Variants in THRB observed in about 807,000 individuals in gnomAD.
THRB encodes nuclear receptor subfamily 1 group A member 2.
Under a neutral mutation model 47.8 loss-of-function variants are expected in THRB, and 12 were observed. The ratio of observed to expected loss-of-function variants is 0.25; its 90% confidence interval spans 0.16 to 0.41. The LOEUF (loss-of-function observed/expected upper bound fraction) is 0.41, where lower values mean the gene tolerates loss of function less well. Among genes scored for constraint, THRB ranks in the 10% least tolerant of loss-of-function variants. The pLI, the probability that THRB is intolerant of heterozygous loss-of-function variation, is 1.00. For synonymous variants in THRB, 218 were observed against 212.2 expected (o/e 1.03, Z -0.24); for missense variants, 348 against 589.2 (o/e 0.59, Z 4.24).
intron 10 of THRB, among the ~76,000 whole-genome samples, chr3:24,126,402 C>G (rs940447897): frequency 2.0e-5 from 3 of 152,056 alleles, no homozygotes; most frequent in African/African-American, 7.2e-5. Context: ...AAAAAATTTC[C>G]TACTGAGTTA....
chr3:24,127,834 G>A (rs1466982560), intron 9 of THRB, 77 bp from the exon 10 acceptor site: 1 of 1,479,680 alleles, frequency 6.8e-7, no homozygotes. Context: ...TATCTTAAAA[G>A]CAATAGGAAT....
chr3:24,423,995 T>C (rs570401725), intron 1 of THRB, among the ~76,000 whole-genome samples: 65 of 152,088 alleles, frequency 4.3e-4, no homozygotes, highest in African/African-American at 1.4e-3. Flanking sequence ...GCTTGGTTAC[T>C]GAGAATCATC....
chr3:24,271,595 AC>A (rs2053337459), intron 3 of THRB, among the ~76,000 whole-genome samples: 1 of 152,016 alleles, frequency 6.6e-6, no homozygotes. Context: ...AAGAAAATAC[AC>A]CCCCCTGGGC....
chr3:24,456,464 A>C (rs2073181750), intron 1 of THRB, among the ~76,000 whole-genome samples: 1 of 152,056 alleles, frequency 6.6e-6, no homozygotes, highest in Non-Finnish European at 1.5e-5. Flanking sequence ...GGGACTATGA[A>C]ATAGAGTTTT....
At chr3:24,231,641 GCT>G (rs1474503831) in intron 3 of THRB, among the ~76,000 whole-genome samples, 1 of 152,066 alleles carries the variant, frequency 6.6e-6, no homozygotes, top group African/African-American at 2.4e-5. Context: ...CCTTCAGTGA[GCT>G]CTAGAGTTTT....
intron 1 of THRB, among the ~76,000 whole-genome samples, chr3:24,435,552 C>T (rs1424860744): frequency 6.6e-6 from 1 of 152,164 alleles, no homozygotes; most frequent in African/African-American, 2.4e-5. Context: ...CTCTCCCTAA[C>T]TTGATGAGAT....
intron 1 of THRB, among the ~76,000 whole-genome samples, chr3:24,424,142 CA>C (rs1390533735): frequency 6.6e-6 from 1 of 151,768 alleles, no homozygotes; most frequent in East Asian, 1.9e-4. Flanking sequence ...AGTTTTCAAC[CA>C]TGATTGGCTG....
chr3:24,227,187 T>C (rs900500568), intron 4 of THRB, among the ~76,000 whole-genome samples: 2 of 152,220 alleles, frequency 1.3e-5, no homozygotes, highest in African/African-American at 4.8e-5. Flanking sequence ...TTATAGCACC[T>C]GCTCTCACAC....
chr3:24,165,166 A>G (rs2039470297), intron 5 of THRB: 1 of 764,988 alleles, frequency 1.3e-6, no homozygotes, highest in Admixed American at 1.7e-5. Context: ...CAGGGTAACT[A>G]CAGGTATAAG....
intron 7 of THRB, among the ~76,000 whole-genome samples, 170 bp downstream of exon 7, chr3:24,146,505 C>G (rs547866427): frequency 6.6e-6 from 1 of 152,298 alleles, no homozygotes; most frequent in African/African-American, 2.4e-5. Flanking sequence ...TCCCACCTCC[C>G]TTTCAGGGCA....
At chr3:24,216,883 C>T (rs1317738886) in intron 4 of THRB, among the ~76,000 whole-genome samples, 9 of 151,804 alleles carry the variant, frequency 5.9e-5, no homozygotes, top group East Asian at 3.9e-4. Context: ...TTGCTGAGTT[C>T]GATGGGCTAT....
At chr3:24,376,311 G>A (rs1026977314) in intron 1 of THRB, among the ~76,000 whole-genome samples, 4 of 152,158 alleles carry the variant, frequency 2.6e-5, no homozygotes, top group Admixed American at 6.5e-5. Flanking sequence ...TTGCCTTGGG[G>A]CACTTTTCAA....
chr3:24,180,703 G>A lies in THRB; in HGVS notation c.283+9371C>T, dbSNP rs535612502. On this transcript the variant is annotated intron_variant, in intron 5 of 10. Coordinates refer to ENST00000646209, the MANE Select transcript of THRB (RefSeq NM_001354712.2). ...AGGCTGAACTGGCCAAGACCTGAAA[G>A]ACCAATCTGTAAATACAACTCACAG... is the stretch of plus-strand genomic sequence containing the variant. Among the ~76,000 whole-genome samples the A allele has an allele frequency of 3.0e-4, 46 of 152,296 alleles. 1 individual carries two copies. Among genetic ancestry groups the A allele is most frequent in the Admixed American group, 1.6e-3 (25 of 15,304 alleles).
chr3:24,318,727 T>C (rs1248536701), intron 2 of THRB, among the ~76,000 whole-genome samples: 1 of 152,196 alleles, frequency 6.6e-6, no homozygotes, highest in African/African-American at 2.4e-5. Flanking sequence ...GAGAGGCAAA[T>C]TCATTGCCAA....
chr3:24,177,694 A>AAGTTTGCAAAAAT (rs1389951774), intron 5 of THRB, among the ~76,000 whole-genome samples: 1 of 152,226 alleles, frequency 6.6e-6, no homozygotes, highest in Non-Finnish European at 1.5e-5. Flanking sequence ...GGATTTGTAA[A>AAGTTTGCAAAAAT]AGTTTGCAAA....
intron 1 of THRB, among the ~76,000 whole-genome samples, chr3:24,360,503 A>G (rs1479481793): frequency 6.6e-6 from 1 of 152,158 alleles, no homozygotes; most frequent in African/African-American, 2.4e-5. Flanking sequence ...CTTCTCAAAC[A>G]TTCCTGCACA....
At chr3:24,299,802 T>TA (rs2056801948) in intron 2 of THRB, among the ~76,000 whole-genome samples, 5 of 132,948 alleles carry the variant, frequency 3.8e-5, no homozygotes, top group African/African-American at 1.4e-4. Flanking sequence ...TTTTTTTTTT[T>TA]AGCAAACATA....
chr3:24,181,261 T>C (rs1311522275), intron 5 of THRB, among the ~76,000 whole-genome samples: 1 of 152,266 alleles, frequency 6.6e-6, no homozygotes, highest in Non-Finnish European at 1.5e-5. Flanking sequence ...GATTATCATA[T>C]TGGAGGGCCA....
intron 1 of THRB, among the ~76,000 whole-genome samples, chr3:24,467,899 C>G (rs2074276227): frequency 6.6e-6 from 1 of 152,228 alleles, no homozygotes; most frequent in African/African-American, 2.4e-5. Context: ...AGATTTGAAC[C>G]AGGCATTCAC....
Sources: gnomAD v4.1 joint callset for allele counts (sites outside exome capture counted in the v4.1 genomes callset) on GRCh38, gnomAD v4.1.1 for gene constraint, MANE v1.5 for transcripts, NCBI Gene and HGNC (gene_info 2026-07-23, HGNC 2026-07-21) for gene names.